Variants in DPP10 observed in about 807,000 individuals in gnomAD.
DPP10 encodes dipeptidyl peptidase like 10.
DPP10 carries 33 observed loss-of-function variants against 120.9 expected under a neutral mutation model. The ratio of observed to expected loss-of-function variants is 0.27; its 90% CI spans 0.21 to 0.37. The LOEUF (loss-of-function observed/expected upper bound fraction) is 0.37, where lower values mean the gene tolerates loss of function less well. Ranked by LOEUF, DPP10 falls within the 10% of genes least tolerant of loss-of-function variation. The pLI is 1.00. For synonymous variants in DPP10, 337 were observed against 326.1 expected (o/e 1.03, Z -0.36); for missense variants, 816 against 942.8 (o/e 0.87, Z 1.76).
chr2:115,698,423 T>C lies in DPP10; in HGVS notation c.576+8502T>C, dbSNP rs79623176. Among the ~76,000 whole-genome samples, 15 of 152,296 alleles carry C rather than the reference T, an allele frequency of 9.8e-5. No individual in the cohort carries two copies. In the East Asian group the frequency reaches 2.9e-3, roughly 29 times the overall value. On this transcript the variant is annotated intron_variant, in intron 7 of 25. Coordinates refer to ENST00000410059, the MANE Select transcript of DPP10 (RefSeq NM_020868.6). ...TGGAATTAATGGTGTTCCCACAAAA[T>C]TTATGTTGAAGCCCTAACCTCCAAT...
chr2:115,176,870 C>G (rs1243944728), intron 1 of DPP10, among the ~76,000 whole-genome samples: 4 of 152,198 alleles, frequency 2.6e-5, no homozygotes, highest in Non-Finnish European at 4.4e-5. Flanking sequence ...TTCCAGTAGA[C>G]AGTTTCTCAT....
chr2:115,726,394 C>T (rs1407015498), intron 7 of DPP10, among the ~76,000 whole-genome samples: 2 of 152,016 alleles, frequency 1.3e-5, no homozygotes, highest in Non-Finnish European at 2.9e-5. Flanking sequence ...ATTCTGCATT[C>T]ATCATCTCAT....
intron 1 of DPP10, among the ~76,000 whole-genome samples, chr2:115,135,590 G>A (rs1265625118): frequency 6.6e-6 from 1 of 152,108 alleles, no homozygotes; most frequent in Admixed American, 6.6e-5. Context: ...TTAAAGCTCA[G>A]TGAAATCATT....
intron 1 of DPP10, among the ~76,000 whole-genome samples, chr2:114,582,562 G>C (rs1690622381): frequency 3.3e-5 from 5 of 152,114 alleles, no homozygotes. Context: ...CATCACCAAT[G>C]GACAATAACT....
At chr2:114,547,405 A>C (rs1687506058) in intron 1 of DPP10, among the ~76,000 whole-genome samples, 2 of 152,150 alleles carry the variant, frequency 1.3e-5, no homozygotes, top group Non-Finnish European at 2.9e-5. Flanking sequence ...ATAGCAAACA[A>C]AAGCACACCA....
At chr2:115,590,787 G>A (rs1446645108) in intron 5 of DPP10, among the ~76,000 whole-genome samples, 2 of 152,204 alleles carry the variant, frequency 1.3e-5, no homozygotes, top group African/African-American at 4.8e-5. Context: ...CCCACCAGCA[G>A]TGTAAAAGTG....
chr2:115,629,544 T>C (rs375795105), intron 5 of DPP10, among the ~76,000 whole-genome samples: 2 of 152,326 alleles, frequency 1.3e-5, no homozygotes, highest in African/African-American at 4.8e-5. Flanking sequence ...TGTGGTTGAT[T>C]TGTATTTCTC....
intron 1 of DPP10, among the ~76,000 whole-genome samples, chr2:114,443,699 G>GAA (rs5833543): frequency 1.3e-4 from 18 of 138,692 alleles, no homozygotes; most frequent in Admixed American, 2.9e-4. Flanking sequence ...ACTCTTTTAT[G>GAA]AAAAAAAAAA....
At chr2:115,569,919 C>T (rs548281029) in intron 5 of DPP10, among the ~76,000 whole-genome samples, 1 of 134,054 alleles carries the variant, frequency 7.5e-6, no homozygotes, top group East Asian at 2.2e-4. Context: ...AAAACACATG[C>T]CAGTACTAGT....
chr2:114,948,542 C>T (rs1325921059), intron 1 of DPP10, among the ~76,000 whole-genome samples: 1 of 152,010 alleles, frequency 6.6e-6, no homozygotes, highest in African/African-American at 2.4e-5. Flanking sequence ...ATTTTTTTCC[C>T]TTTTTATAAT....
At chr2:115,297,801 C>T (rs2060955208) in intron 1 of DPP10, among the ~76,000 whole-genome samples, 1 of 152,040 alleles carries the variant, frequency 6.6e-6, no homozygotes, top group Non-Finnish European at 1.5e-5. Flanking sequence ...TGCTCATCCC[C>T]TGAAATCAAG....
chr2:114,553,427 T>C (rs1688045936), intron 1 of DPP10, among the ~76,000 whole-genome samples: 1 of 152,200 alleles, frequency 6.6e-6, no homozygotes, highest in South Asian at 2.1e-4. Context: ...GATGATAGAT[T>C]TCCAGTGCCT....
At chr2:114,763,598 G>A (rs1017031799) in intron 1 of DPP10, among the ~76,000 whole-genome samples, 2 of 152,000 alleles carry the variant, frequency 1.3e-5, no homozygotes, top group Admixed American at 6.6e-5. Context: ...AGGAGACTTC[G>A]TGGTCTATTA....
chr2:115,598,642 A>G (rs192350743), intron 5 of DPP10, among the ~76,000 whole-genome samples: 6 of 152,098 alleles, frequency 3.9e-5, no homozygotes, highest in African/African-American at 1.4e-4. Context: ...AAATCCATAA[A>G]TAATTTTATA....
intron 1 of DPP10, among the ~76,000 whole-genome samples, chr2:114,712,911 G>A (rs997998456): frequency 2.0e-5 from 3 of 151,848 alleles, no homozygotes; most frequent in Admixed American, 2.0e-4. Context: ...ATATTTGTAT[G>A]GCTGTAGTAC....
intron 21 of DPP10, among the ~76,000 whole-genome samples, chr2:115,834,730 A>G (rs1689269574): frequency 1.3e-5 from 2 of 152,152 alleles, no homozygotes; most frequent in African/African-American, 2.4e-5. Context: ...AGAGAAGACA[A>G]TTTTCTCCTT....
At chr2:114,885,341 G>A (rs1691978303) in intron 1 of DPP10, among the ~76,000 whole-genome samples, 1 of 152,032 alleles carries the variant, frequency 6.6e-6, no homozygotes, top group Admixed American at 6.6e-5. Flanking sequence ...CAGCGCCGAG[G>A]GGATAATGCT....
intron 1 of DPP10, among the ~76,000 whole-genome samples, chr2:115,058,386 A>T (rs1334941188): frequency 6.6e-6 from 1 of 151,348 alleles, no homozygotes; most frequent in African/African-American, 2.4e-5. Flanking sequence ...AACCATTTAC[A>T]TTTCCAACTC....
At chr2:114,673,270 G>C (rs930185545) in intron 1 of DPP10, among the ~76,000 whole-genome samples, 1 of 152,010 alleles carries the variant, frequency 6.6e-6, no homozygotes, top group East Asian at 1.9e-4. Context: ...TGCCTAAGAC[G>C]AGCGAATAGT....
Sources: allele counts gnomAD v4.1 joint callset (sites outside exome capture counted in the v4.1 genomes callset), GRCh38; gene constraint gnomAD v4.1.1; transcripts MANE v1.5; gene names NCBI Gene and HGNC (gene_info 2026-07-23, HGNC 2026-07-21).